MEGF10: variants seen among roughly 807,000 people sequenced by gnomAD.
The protein encoded by MEGF10 is multiple epidermal growth factor-like domains protein 10.
In MEGF10, 86 loss-of-function variants were observed where a neutral mutation model predicts 147.5. That is an observed-to-expected ratio of 0.58 (90% CI 0.49 to 0.70). The LOEUF is 0.70. MEGF10 is among the 30% of genes least tolerant of loss of function. MEGF10 has a pLI of 0.00. For missense variants in MEGF10, 1,329 were observed against 1,487.3 expected, an observed-to-expected ratio of 0.89 and a Z score of 1.75; for synonymous variants, 478 against 525.5, an observed-to-expected ratio of 0.91 and a Z score of 1.24.
At chr5:127,416,490 A>G (rs1451447971) in intron 9 of MEGF10, among the ~76,000 whole-genome samples, 3 of 152,076 alleles carry the variant, frequency 2.0e-5, no homozygotes, top group Non-Finnish European at 4.4e-5. Context: ...CTAAACCTAC[A>G]CTCAAGAAAC....
chr5:127,302,925 C>A (rs1197604403), intron 1 of MEGF10, among the ~76,000 whole-genome samples: 1 of 152,072 alleles, frequency 6.6e-6, no homozygotes, highest in African/African-American at 2.4e-5. Context: ...TTTGTGTAAT[C>A]ACAGAAGAGG....
chr5:127,365,223 T>C (rs1473734726), intron 4 of MEGF10, among the ~76,000 whole-genome samples: 6 of 152,208 alleles, frequency 3.9e-5, no homozygotes. Flanking sequence ...ATTTTCCATA[T>C]TAATTTAAAT....
the MEGF10 span, among the ~76,000 whole-genome samples, chr5:127,270,495 C>A: frequency 6.6e-6 from 1 of 152,192 alleles, no homozygotes; most frequent in Non-Finnish European, 1.5e-5. Context: ...AAGACCATTA[C>A]ATAGTGGTAA....
chr5:127,307,263 A>G (rs1030155727), intron 1 of MEGF10, among the ~76,000 whole-genome samples: 5 of 152,166 alleles, frequency 3.3e-5, no homozygotes, highest in African/African-American at 4.8e-5. Flanking sequence ...TTTCTTCACA[A>G]GACAAAGAGA....
At chr5:127,399,000 T>C (rs1178639968) in intron 7 of MEGF10, among the ~76,000 whole-genome samples, 3 of 152,200 alleles carry the variant, frequency 2.0e-5, no homozygotes, top group Non-Finnish European at 1.5e-5. Flanking sequence ...GTCCTAGACT[T>C]GAAGTGCATT....
At chr5:127,285,635 C>T in the MEGF10 span, among the ~76,000 whole-genome samples, 15 of 152,164 alleles carry the variant, frequency 9.9e-5, no homozygotes, top group East Asian at 2.9e-3. Context: ...CCAATAGCAG[C>T]AGCAGTTGTA....
chr5:127,290,677 C>G (rs2127022819), upstream of MEGF10, among the ~76,000 whole-genome samples: 1 of 152,320 alleles, frequency 6.6e-6, no homozygotes, highest in Admixed American at 6.5e-5. Flanking sequence ...GCGCGCGGCG[C>G]CAAGCGACAA....
chr5:127,436,478 G>A (rs574729349), intron 16 of MEGF10, among the ~76,000 whole-genome samples: 4 of 152,126 alleles, frequency 2.6e-5, no homozygotes, highest in Admixed American at 6.5e-5. Context: ...CCATTCTGGG[G>A]GCATCACTTC....
the MEGF10 span, among the ~76,000 whole-genome samples, chr5:127,281,700 G>A: frequency 6.6e-6 from 1 of 152,220 alleles, no homozygotes; most frequent in African/African-American, 2.4e-5. Context: ...CACACGGGAT[G>A]GCCAACTGTG....
chr5:127,266,577 T>G, the MEGF10 span, among the ~76,000 whole-genome samples: 1 of 152,206 alleles, frequency 6.6e-6, no homozygotes, highest in Non-Finnish European at 1.5e-5. Context: ...TCCATTTGTT[T>G]GTATCCTCTT....
the MEGF10 span, among the ~76,000 whole-genome samples, chr5:127,245,245 G>A: frequency 4.7e-4 from 72 of 152,180 alleles, 1 homozygote; most frequent in South Asian, 0.014. Flanking sequence ...CATGCTACTG[G>A]TACCAAAACA....
intron 4 of MEGF10, among the ~76,000 whole-genome samples, chr5:127,349,515 C>G (rs1037800906): frequency 1.3e-5 from 2 of 152,112 alleles, no homozygotes; most frequent in Non-Finnish European, 2.9e-5. Context: ...CCACCTCCAG[C>G]CCTTGGCAAC....
intron 9 of MEGF10, among the ~76,000 whole-genome samples, chr5:127,412,072 A>G (rs1465986848): frequency 1.3e-5 from 2 of 152,262 alleles, no homozygotes; most frequent in Non-Finnish European, 2.9e-5. Context: ...TAGTTAATTG[A>G]TGGCAATACT....
intron 4 of MEGF10, among the ~76,000 whole-genome samples, chr5:127,349,973 G>A (rs1340724692): frequency 6.6e-6 from 1 of 152,080 alleles, no homozygotes; most frequent in Non-Finnish European, 1.5e-5. Flanking sequence ...ATAACTGACA[G>A]AATTATGTAT....
the MEGF10 span, among the ~76,000 whole-genome samples, chr5:127,269,514 T>A: frequency 6.6e-6 from 1 of 151,950 alleles, no homozygotes; most frequent in Non-Finnish European, 1.5e-5. Flanking sequence ...ATGAATGAAA[T>A]GAAGCAAGAA....
At chr5:127,352,724 G>T (rs1296654556) in intron 4 of MEGF10, among the ~76,000 whole-genome samples, 1 of 152,160 alleles carries the variant, frequency 6.6e-6, no homozygotes. Context: ...TTTAGGGCCA[G>T]GACCAGGGTG....
intron 22 of MEGF10, among the ~76,000 whole-genome samples, chr5:127,452,261 G>T (rs1766181882): frequency 6.6e-6 from 1 of 152,166 alleles, no homozygotes; most frequent in Admixed American, 6.5e-5. Context: ...CACCTTGGTG[G>T]AAGGCTAGCC....
intron 4 of MEGF10, among the ~76,000 whole-genome samples, chr5:127,360,361 T>C (rs1762426135): frequency 6.6e-6 from 1 of 152,040 alleles, no homozygotes; most frequent in South Asian, 2.1e-4. Flanking sequence ...AGTGCTCTTT[T>C]TTTAGTAGTT....
At chr5:127,433,897 C>A (rs543187662) in intron 14 of MEGF10, among the ~76,000 whole-genome samples, 1 of 152,304 alleles carries the variant, frequency 6.6e-6, no homozygotes, top group South Asian at 2.1e-4. Flanking sequence ...TCAACATCAG[C>A]CAAACCTTGA....
Sources: allele counts gnomAD v4.1 joint callset (sites outside exome capture counted in the v4.1 genomes callset), GRCh38; gene constraint gnomAD v4.1.1; transcripts MANE v1.5; gene names NCBI Gene and HGNC (gene_info 2026-07-23, HGNC 2026-07-21).